The following CNTNAP4 variants were observed in gnomAD, a reference collection of about 807,000 sequenced individuals.
The protein encoded by CNTNAP4 is contactin associated protein family member 4.
In CNTNAP4, 98 loss-of-function variants were observed where a neutral mutation model predicts 148.4. That is an observed-to-expected ratio of 0.66 (90% CI 0.56 to 0.78). CNTNAP4 has a LOEUF of 0.78. Among genes scored for constraint, CNTNAP4 ranks in the 30% least tolerant of loss-of-function variants. CNTNAP4 has a pLI of 0.00. For missense variants in CNTNAP4, 1,935 were observed against 1,565.6 expected (o/e 1.24, Z -3.98); for synonymous variants, 730 against 565.1 (o/e 1.29, Z -4.14).
intron 8 of CNTNAP4, among the ~76,000 whole-genome samples, chr16:76,459,273 T>C (rs1259439176): frequency 6.6e-6 from 1 of 152,222 alleles, no homozygotes; most frequent in Admixed American, 6.5e-5. Flanking sequence ...ATCTGATTTA[T>C]TTTAATCCAG....
rs1481396557 is a variant in CNTNAP4, at chr16:76,553,511, A to T, written c.3661+10A>T. 2 of 1,587,470 alleles carry T rather than the reference A, an allele frequency of 1.3e-6. No individual in the cohort carries two copies. The highest frequency in any genetic ancestry group is 2.7e-5 in the African/African-American group (2 of 74,428). ...ACACACTCGTTTGCAGGTGACTTAG[A>T]GTTCTTCCTCTACTCAGTCACAGAC... is the stretch of plus-strand genomic sequence containing the variant. On this transcript the variant is annotated intron_variant, in intron 22 of 23. Coordinates refer to ENST00000611870, the MANE Select transcript of CNTNAP4 (RefSeq NM_033401.5).
At chr16:76,520,590 C>T (rs12596018) in intron 15 of CNTNAP4, among the ~76,000 whole-genome samples, 96,510 of 151,986 alleles carry the variant, frequency 0.63, 31,417 homozygotes, top group African/African-American at 0.79. Flanking sequence ...ACAGAGTAAG[C>T]TGCATGTTGG....
At chr16:76,535,188 C>T (rs1201006654) in intron 17 of CNTNAP4, among the ~76,000 whole-genome samples, 1 of 152,166 alleles carries the variant, frequency 6.6e-6, no homozygotes, top group Non-Finnish European at 1.5e-5. Context: ...ACAAACCACA[C>T]TTACCCAGCA....
At chr16:76,393,467 T>C (rs2078095676) in intron 3 of CNTNAP4, among the ~76,000 whole-genome samples, 1 of 152,184 alleles carries the variant, frequency 6.6e-6, no homozygotes. Context: ...TACTGAACAC[T>C]GGGCATTTAT....
At chr16:76,324,614 C>T (rs571384180) in intron 2 of CNTNAP4, among the ~76,000 whole-genome samples, 19 of 152,222 alleles carry the variant, frequency 1.2e-4, no homozygotes, top group South Asian at 8.3e-4. Context: ...CTCAAGGTGA[C>T]GGTAGAGTCT....
In CNTNAP4 at chr16:76,467,513, A is replaced by G. The variant is rs771668301; in HGVS notation, c.1645A>G (p.Ile549Val). 3.1e-6 allele frequency: 5 copies of G among 1,609,626 alleles called. No individual in the cohort carries two copies. Among genetic ancestry groups the G allele is most frequent in the African/African-American group, 2.7e-5 (2 of 74,690 alleles). The change falls in exon 10 of 24, where the codon ATC (isoleucine) becomes GTC (valine). Residue 549 changes from isoleucine (I) to valine (V), a missense_variant. Ile to Val is a conservative substitution (Grantham distance 29). Transcript: ENST00000611870. Reference protein sequence around the residue: ...FSDLQIDSCGISDRCLPNYCE... With the variant: ...FSDLQIDSCGVSDRCLPNYCE... ...TGACCTTCAGATAGACTCATGTGGC[A>G]TCTCAGACAGGTAAGGGCAATCTCA...
At position 76,467,498 on chromosome 16, in the gene CNTNAP4, A is replaced by G. The variant is rs774653733; in HGVS notation, c.1630A>G (p.Ile544Val). The G allele has an allele frequency of 1.9e-6, 3 of 1,613,388 alleles. No homozygotes were observed. The South Asian group carries it at 3.3e-5, about 18-fold the overall frequency. The change falls in exon 10 of 24, where the codon ATA becomes GTA. Residue 544 changes from isoleucine to valine, a missense_variant. Transcript: ENST00000611870. ...CCTTGGGAACTTCAGTGACCTTCAG[A>G]TAGACTCATGTGGCATCTCAGACAG... ...GSLGNFSDLQ[I>V]DSCGISDRCL...
intron 17 of CNTNAP4, 104 bp downstream of exon 17, chr16:76,522,361 CAAT>C (rs761499714): frequency 2.2e-5 from 20 of 929,030 alleles, no homozygotes; most frequent in Non-Finnish European, 2.9e-5. Context: ...TAACAACAAG[CAAT>C]AATAACAAAT....
chr16:76,526,494 C>A (rs550693488), intron 17 of CNTNAP4, among the ~76,000 whole-genome samples: 11 of 152,096 alleles, frequency 7.2e-5, no homozygotes, highest in South Asian at 4.2e-4. Context: ...CACAGTGGTC[C>A]CTCTGAGAGA....
At chr16:76,512,773 A>G (rs1036949226) in intron 15 of CNTNAP4, among the ~76,000 whole-genome samples, 1 of 152,200 alleles carries the variant, frequency 6.6e-6, no homozygotes, top group Admixed American at 6.5e-5. Context: ...GAAGCAAGAA[A>G]GAAGACTGAG....
chr16:76,335,761 C>T (rs1267214044), intron 2 of CNTNAP4, among the ~76,000 whole-genome samples: 6 of 152,188 alleles, frequency 3.9e-5, no homozygotes, highest in Admixed American at 3.9e-4. Flanking sequence ...TTATCAGCCC[C>T]AGAGGGCATG....
At chr16:76,499,142 A>C (rs1017341654) in intron 15 of CNTNAP4, among the ~76,000 whole-genome samples, 1 of 147,048 alleles carries the variant, frequency 6.8e-6, no homozygotes, top group Non-Finnish European at 1.5e-5. Flanking sequence ...ATGTTGGCTC[A>C]CTGCAAGCTC....
Position 76,396,811 on chromosome 16 carries a change from A to G in CNTNAP4, c.391-30641A>G, listed in dbSNP as rs895253401. ...AAGATAGGAGGCATCCTTCTTCCCA[A>G]TGTGCACATCAAACATCCACATCTC... On this transcript the variant is annotated intron_variant, in intron 3 of 23. Transcript: ENST00000611870. 5.3e-5 allele frequency among the ~76,000 whole-genome samples: 8 copies of G among 152,176 alleles called. No homozygotes were observed. In the East Asian group the frequency reaches 7.7e-4, roughly 15 times the overall value.
chr16:76,470,496 T>TATATATATATATATATATATATAA (rs1381766837), intron 10 of CNTNAP4, among the ~76,000 whole-genome samples: 1 of 57,128 alleles, frequency 1.8e-5, no homozygotes, highest in African/African-American at 4.4e-5. Context: ...TATATATATA[T>TATATATATATATATATATATATAA]AAAATTAGTC....
intron 3 of CNTNAP4, among the ~76,000 whole-genome samples, chr16:76,364,338 C>A (rs1222536611): frequency 6.7e-6 from 1 of 149,934 alleles, no homozygotes; most frequent in Non-Finnish European, 1.5e-5. Flanking sequence ...TATTGCTTCA[C>A]AGTCTTTAAA....
chr16:76,446,186 T>C (rs1018567861), intron 4 of CNTNAP4, among the ~76,000 whole-genome samples: 5 of 152,186 alleles, frequency 3.3e-5, no homozygotes, highest in Non-Finnish European at 4.4e-5. Flanking sequence ...TAAAATATGA[T>C]GGATAATCTG....
intron 3 of CNTNAP4, among the ~76,000 whole-genome samples, chr16:76,376,593 G>A (rs1044110454): frequency 1.3e-5 from 2 of 152,190 alleles, no homozygotes; most frequent in East Asian, 1.9e-4. Context: ...CCACACAGTC[G>A]GAGAGCCCAG....
intron 1 of CNTNAP4, among the ~76,000 whole-genome samples, chr16:76,312,636 G>T (rs1597154801): frequency 6.6e-6 from 1 of 152,250 alleles, no homozygotes; most frequent in East Asian, 1.9e-4. Flanking sequence ...ATTTGTTCAT[G>T]CTATTATGGT....
At chr16:76,407,499 A>T (rs1448742631) in intron 3 of CNTNAP4, among the ~76,000 whole-genome samples, 1 of 151,924 alleles carries the variant, frequency 6.6e-6, no homozygotes, top group Non-Finnish European at 1.5e-5. Flanking sequence ...GGGCATTTGG[A>T]AGAAGCTGAT....
Sources: allele counts gnomAD v4.1 joint callset (sites outside exome capture counted in the v4.1 genomes callset), GRCh38; gene constraint gnomAD v4.1.1; transcripts MANE v1.5; gene names NCBI Gene and HGNC (gene_info 2026-07-23, HGNC 2026-07-21).